The following INPP5J variants were observed in gnomAD, a reference collection of about 807,000 sequenced individuals.
INPP5J encodes the protein phosphatidylinositol 4,5-bisphosphate 5-phosphatase A.
In INPP5J, 75 loss-of-function variants were observed where a neutral mutation model predicts 86.6. That is an observed-to-expected ratio of 0.87 (90% CI 0.72 to 1.05). INPP5J has a LOEUF of 1.05. Ranked by LOEUF, INPP5J falls within the 50% of genes least tolerant of loss-of-function variation. INPP5J has a pLI of 0.00. For synonymous variants in INPP5J, 540 were observed against 550.0 expected, an observed-to-expected ratio of 0.98 and a Z score of 0.25; for missense variants, 1,229 against 1,341.2, an observed-to-expected ratio of 0.92 and a Z score of 1.31.
chr22:31,123,263 G>C, intron 1 of INPP5J, 144 bp downstream of exon 1: 1 of 540,990 alleles, frequency 1.8e-6, no homozygotes, highest in Non-Finnish European at 3.2e-6. Flanking sequence ...TAGGTGAAGA[G>C]AGCACCCTGG....
chr22:31,127,263 CCT>C, intron 5 of INPP5J, 92 bp from the exon 6 acceptor site: 2 of 1,213,044 alleles, frequency 1.6e-6, no homozygotes, highest in Non-Finnish European at 2.3e-6. Context: ...GACCCACCCA[CCT>C]TCCACCCACA....
At chr22:31,132,966 G>A in intron 9 of INPP5J, 132 bp from the exon 10 acceptor site, 2 of 1,202,516 alleles carry the variant, frequency 1.7e-6, no homozygotes, top group Non-Finnish European at 2.3e-6. Flanking sequence ...GACCTGTTCT[G>A]CCTCAGTTTC....
At chr22:31,124,189 A>G in intron 1 of INPP5J, 1 of 913,220 alleles carries the variant, frequency 1.1e-6, no homozygotes, top group Non-Finnish European at 1.3e-6. Context: ...CTAAGGTCAC[A>G]CAGAGCTGGG....
At chr22:31,126,752 G>A (rs776159760) in intron 4 of INPP5J, 31 bp downstream of exon 4, 24 of 1,576,656 alleles carry the variant, frequency 1.5e-5, no homozygotes, top group Non-Finnish European at 2.0e-5. Context: ...TGGACAGCCA[G>A]AGACCCTGCT....
chr22:31,128,097 G>A (rs1921683998), intron 7 of INPP5J, 35 bp downstream of exon 7: 2 of 1,526,152 alleles, frequency 1.3e-6, no homozygotes, highest in South Asian at 1.1e-5. Context: ...CACAGAGCAT[G>A]TCCCAGGACA....
In INPP5J at chr22:31,133,615, A is replaced by G. The variant is rs1922295074; in HGVS notation, c.2415A>G (p.Thr805=). 2 of 1,610,820 alleles carry G rather than the reference A, an allele frequency of 1.2e-6. No homozygotes were observed. Among genetic ancestry groups the G allele is most frequent in the East Asian group, 4.5e-5 (2 of 44,810 alleles). ...TATACCCCTGGGCCTACCAGGTAAC[A>G]TTCAGTGAGGAATCACTGCCCAAGG... ...EDVDGNTYQV[T]FSEESLPKGH... The change falls in exon 12 of 13, where the codon ACA becomes ACG. Residue 805 remains threonine, a synonymous_variant. Transcript: ENST00000331075.
chr22:31,126,750 C>T, intron 4 of INPP5J, 29 bp downstream of exon 4: 1 of 1,575,476 alleles, frequency 6.3e-7, no homozygotes. Context: ...CCTGGACAGC[C>T]AGAGACCCTG....
intron 12 of INPP5J, 97 bp downstream of exon 12, chr22:31,133,811 G>A: frequency 6.3e-7 from 1 of 1,588,618 alleles, no homozygotes; most frequent in Non-Finnish European, 8.6e-7. Context: ...CAAATAACCT[G>A]ACCTCCCAAG....
intron 2 of INPP5J, 178 bp downstream of exon 2, chr22:31,126,188 G>C: frequency 1.3e-6 from 1 of 796,098 alleles, no homozygotes; most frequent in Non-Finnish European, 1.9e-6. Context: ...TAAGGAACTT[G>C]CCGCCTCTCA....
chr22:31,133,767 C>T lies in INPP5J; in HGVS notation c.2514+53C>T, dbSNP rs893535430. ...GGTGCCTAAAGACTTTTGTCAAATG[C>T]CACAGCCTCTACATTCTGCTCCTTG... On this transcript the variant is annotated intron_variant, in intron 12 of 12. Transcript: ENST00000331075. The T allele has an allele frequency of 7.7e-6, 12 of 1,566,526 alleles. No individual in the cohort carries two copies. The African/African-American group carries it at 1.4e-4, about 18-fold the overall frequency.
Position 31,133,876 on chromosome 22 carries a change from G to A in INPP5J, c.2515-37G>A. ...AGGTCAGGCCTCAGTGGCTGGGTTG[G>A]GGAGCAGGGCGCCCCAGTGACCAGC... On this transcript the variant is annotated intron_variant, in intron 12 of 12. Coordinates refer to ENST00000331075, the MANE Select transcript of INPP5J (RefSeq NM_001284285.2). The A allele has an allele frequency of 1.9e-6, 3 of 1,600,442 alleles. 1 individual carries two copies. Among genetic ancestry groups the A allele is most frequent in the Non-Finnish European group, 8.5e-7 (1 of 1,171,776 alleles).
rs569757843 is a variant in INPP5J at position 31,127,171 on chromosome 22, A to AC, written c.1611+137dup. The AC allele has an allele frequency of 1.2e-3, 767 of 664,452 alleles. 9 individuals carry two copies. The South Asian group carries it at 0.013, about 11-fold the overall frequency. 41.2% of individuals were successfully genotyped at this position (664,452 alleles called of 1,614,324 possible). On this transcript the variant is annotated intron_variant, in intron 5 of 12. Coordinates refer to ENST00000331075, the MANE Select transcript of INPP5J (RefSeq NM_001284285.2). ...CTGCGGCCCAGCCCCCCCATGCACC[A>AC]CCCAATACCCCATCCTATTCCTCTA...
intron 1 of INPP5J, chr22:31,124,336 G>A (rs1302145993): frequency 2.0e-6 from 2 of 987,252 alleles, no homozygotes; most frequent in Non-Finnish European, 2.4e-6. Context: ...AGGGTTTCTG[G>A]GCATTATGAA....
At chr22:31,131,349 G>C (rs2147883242) in intron 9 of INPP5J, among the ~76,000 whole-genome samples, 1 of 152,258 alleles carries the variant, frequency 6.6e-6, no homozygotes, top group Middle Eastern at 3.4e-3. Context: ...CGGATCACTA[G>C]GTCAGGAGTT....
rs556217034 is a variant in INPP5J at position 31,126,697 on chromosome 22, G to A, written c.1470G>A (p.Ala490=). 82 of 1,613,626 alleles carry A rather than the reference G, an allele frequency of 5.1e-5. No individual in the cohort carries two copies. Among genetic ancestry groups the A allele is most frequent in the Admixed American group, 8.3e-5 (5 of 59,994 alleles). ...TDQWSELFMD[A]LGPFNFVLVS... ...AGTGGAGTGAGCTGTTCATGGATGC[G>A]CTAGGGCCCTTCAACTTCGTGCTGG... Residue 490 remains alanine (A), a synonymous_variant, in exon 4 of 13, where the codon GCG becomes GCA. Coordinates refer to ENST00000331075, the MANE Select transcript of INPP5J (RefSeq NM_001284285.2).
In INPP5J at chr22:31,126,444, T is replaced by A; in HGVS notation, c.1340T>A (p.Leu447Gln). The change falls in exon 3 of 13, where the codon CTG becomes CAG. Residue 447 changes from leucine to glutamine, a missense_variant. Leu to Gln is a moderately radical substitution (Grantham distance 113, BLOSUM62 -2). Coordinates refer to ENST00000331075, the MANE Select transcript of INPP5J (RefSeq NM_001284285.2). ...GACGATGTCACATCCCTCCTCCACC[T>A]GGGCGGTGGTGACGACAGCGACGGC... The part of the protein sequence containing the change: ...PPDDVTSLLH[L>Q]GGGDDSDGAD... 4 of 1,613,740 alleles carry A rather than the reference T, an allele frequency of 2.5e-6. No homozygotes were observed. Among genetic ancestry groups the A allele is most frequent in the Non-Finnish European group, 3.4e-6 (4 of 1,179,818 alleles).
intron 5 of INPP5J, 124 bp from the exon 6 acceptor site, chr22:31,127,233 G>A (rs1042031152): frequency 1.4e-5 from 13 of 928,308 alleles, no homozygotes; most frequent in Admixed American, 1.2e-4. Flanking sequence ...GTGTCCCAGC[G>A]TTGTTCCTCA....
In INPP5J at chr22:31,126,607, C is replaced by T. The variant is rs370073323; in HGVS notation, c.1386-6C>T. 1 of 1,612,574 alleles carries T rather than the reference C, an allele frequency of 6.2e-7. No homozygotes were observed. Among genetic ancestry groups the T allele is most frequent in the African/African-American group, 1.3e-5 (1 of 74,906 alleles). On this transcript the variant is annotated splice_polypyrimidine_tract_variant and splice_region_variant and intron_variant, in intron 3 of 12. Coordinates refer to ENST00000331075, the MANE Select transcript of INPP5J (RefSeq NM_001284285.2). ...TCCCATGGCCACCCTGCCCCCACCCCTCCAGGTTGCAGGAAGTGAACTCCA... is the reference window on the plus strand; with the variant it reads ...TCCCATGGCCACCCTGCCCCCACCCTTCCAGGTTGCAGGAAGTGAACTCCA...
In INPP5J at chr22:31,125,974, C is replaced by G; in HGVS notation, c.1235C>G (p.Ser412Ter). ...TCCACCCTGTCATCCTCCCCTTGGTCAGCTCAGCCTACCTGGAAGAGCGAC... is the reference window on the plus strand; with the variant it reads ...TCCACCCTGTCATCCTCCCCTTGGTGAGCTCAGCCTACCTGGAAGAGCGAC... ...STSTLSSSPWSAQPTWKSDPG... is the reference protein window; with the variant it reads ...STSTLSSSPW The change falls in exon 2 of 13, where the codon TCA (serine) becomes TGA (stop). Residue 412 changes from serine to a stop codon, truncating the protein, a stop_gained. Coordinates refer to ENST00000331075, the MANE Select transcript of INPP5J (RefSeq NM_001284285.2). LOFTEE classifies it high-confidence loss of function. 1.9e-6 allele frequency: 3 copies of G among 1,599,872 alleles called. No individual in the cohort carries two copies. Among genetic ancestry groups the G allele is most frequent in the Non-Finnish European group, 2.6e-6 (3 of 1,170,114 alleles).
Sources: gnomAD v4.1 joint callset for allele counts (sites outside exome capture counted in the v4.1 genomes callset) on GRCh38, gnomAD v4.1.1 for gene constraint, MANE v1.5 for transcripts, NCBI Gene and HGNC (gene_info 2026-07-23, HGNC 2026-07-21) for gene names.